The following WWOX variants were observed in gnomAD, a reference collection of about 807,000 sequenced individuals.
The protein encoded by WWOX is WW domain containing oxidoreductase, also known as WW domain-containing oxidoreductase.
WWOX carries 69 observed loss-of-function variants against 46.2 expected under a neutral mutation model. That is an observed-to-expected ratio of 1.49 (90% CI 1.23 to 1.82). The LOEUF (loss-of-function observed/expected upper bound fraction) is 1.82. Ranked by LOEUF, WWOX falls within the 40% of genes most tolerant of loss-of-function variation. The probability of loss-of-function intolerance (pLI) is 0.00; values close to 1 mark genes in which losing one functional copy is unlikely to be tolerated. For missense variants in WWOX, 919 were observed against 542.6 expected (o/e 1.69, Z -6.89); for synonymous variants, 359 against 202.6 (o/e 1.77, Z -6.56).
intron 8 of WWOX, among the ~76,000 whole-genome samples, chr16:78,935,449 C>T (rs1011207115): frequency 6.6e-6 from 1 of 152,108 alleles, no homozygotes; most frequent in African/African-American, 2.4e-5. Context: ...GTTCATGTCT[C>T]TTGTAGGGAC....
At chr16:78,676,682 C>G (rs1388026147) in intron 8 of WWOX, among the ~76,000 whole-genome samples, 5 of 152,142 alleles carry the variant, frequency 3.3e-5, no homozygotes, top group African/African-American at 1.2e-4. Flanking sequence ...AGAAACATTG[C>G]TTTTATTGCT....
intron 8 of WWOX, among the ~76,000 whole-genome samples, chr16:78,647,463 T>G (rs1400866498): frequency 6.6e-6 from 1 of 152,158 alleles, no homozygotes; most frequent in Middle Eastern, 3.2e-3. Context: ...ACCCGTTCAG[T>G]ACACAATGAA....
chr16:78,752,907 C>T (rs906473994), intron 8 of WWOX, among the ~76,000 whole-genome samples: 1 of 152,188 alleles, frequency 6.6e-6, no homozygotes, highest in Non-Finnish European at 1.5e-5. Context: ...TGGGTGCCAC[C>T]AGCAGCAACG....
chr16:78,534,924 G>A (rs1308482287), intron 8 of WWOX, among the ~76,000 whole-genome samples: 1 of 151,962 alleles, frequency 6.6e-6, no homozygotes, highest in South Asian at 2.1e-4. Context: ...ATGGTGGCCG[G>A]GATGGTCTCG....
chr16:78,183,549 C>T (rs1266059429), intron 5 of WWOX, among the ~76,000 whole-genome samples: 2 of 152,170 alleles, frequency 1.3e-5, no homozygotes, highest in Non-Finnish European at 2.9e-5. Flanking sequence ...TCTCTATCTT[C>T]CTACAAGAAA....
At chr16:78,142,565 C>T (rs140147447) in intron 4 of WWOX, among the ~76,000 whole-genome samples, 8 of 152,252 alleles carry the variant, frequency 5.3e-5, no homozygotes, top group South Asian at 2.1e-4. Context: ...AGAAAAGCAT[C>T]GTCTTGTGCA....
intron 8 of WWOX, among the ~76,000 whole-genome samples, chr16:78,732,320 C>T (rs1451234153): frequency 2.6e-5 from 4 of 152,092 alleles, no homozygotes; most frequent in African/African-American, 7.2e-5. Flanking sequence ...AATTTGGCCA[C>T]CATGCCATGA....
chr16:78,899,957 T>A (rs551992784), intron 8 of WWOX, among the ~76,000 whole-genome samples: 85 of 152,236 alleles, frequency 5.6e-4, no homozygotes, highest in African/African-American at 1.9e-3. Context: ...TTGGTACTAA[T>A]TAAGCCTTGA....
chr16:78,445,154 G>A (rs566753032), intron 8 of WWOX, among the ~76,000 whole-genome samples: 1 of 152,278 alleles, frequency 6.6e-6, no homozygotes, highest in Non-Finnish European at 1.5e-5. Context: ...GTACATCAGG[G>A]TATAAGCTGT....
intron 8 of WWOX, among the ~76,000 whole-genome samples, chr16:78,649,852 G>A (rs1221721647): frequency 6.6e-6 from 1 of 152,176 alleles, no homozygotes; most frequent in Non-Finnish European, 1.5e-5. Flanking sequence ...GGAATTAAAT[G>A]ACCTTGTCTT....
At chr16:78,722,869 TA>T (rs1427357842) in intron 8 of WWOX, among the ~76,000 whole-genome samples, 3 of 151,842 alleles carry the variant, frequency 2.0e-5, no homozygotes, top group Non-Finnish European at 2.9e-5. Flanking sequence ...AATGAAAACC[TA>T]ATGTCTACAA....
chr16:78,756,205 C>G (rs115007840), intron 8 of WWOX, among the ~76,000 whole-genome samples: 167 of 152,268 alleles, frequency 1.1e-3, no homozygotes, highest in African/African-American at 3.6e-3. Context: ...TTGACACATA[C>G]GCTTTTTCTC....
chr16:79,199,984 C>T (rs114760517), intron 8 of WWOX, among the ~76,000 whole-genome samples: 352 of 152,224 alleles, frequency 2.3e-3, no homozygotes, highest in African/African-American at 8.2e-3. Flanking sequence ...GCAGAGAGTT[C>T]CAATTGCAAC....
chr16:78,873,578 G>C (rs1181648445), intron 8 of WWOX: 1 of 151,926 alleles, frequency 6.6e-6, no homozygotes, highest in Non-Finnish European at 1.5e-5. Context: ...ATTGGGGCTA[G>C]GAGTTGGAGG....
chr16:78,511,475 A>G (rs371144138), intron 8 of WWOX, among the ~76,000 whole-genome samples: 2 of 152,244 alleles, frequency 1.3e-5, no homozygotes, highest in Admixed American at 1.3e-4. Flanking sequence ...GGTCAGTAGT[A>G]CTTCAGAGGG....
At chr16:78,791,930 G>A (rs2550597) in intron 8 of WWOX, among the ~76,000 whole-genome samples, 66,659 of 151,896 alleles carry the variant, frequency 0.44, 16,028 homozygotes, top group Non-Finnish European at 0.53. Context: ...AAAATACATA[G>A]AAGAGGCCTT....
At chr16:78,989,821 C>CATGTGTTTGT (rs370901622) in intron 8 of WWOX, among the ~76,000 whole-genome samples, 8 of 136,402 alleles carry the variant, frequency 5.9e-5, no homozygotes, top group Non-Finnish European at 7.9e-5. Context: ...GGTGTGTGAG[C>CATGTGTTTGT]GTGTGTGTGT....
chr16:78,921,595 G>T (rs1373664332), intron 8 of WWOX, among the ~76,000 whole-genome samples: 1 of 152,184 alleles, frequency 6.6e-6, no homozygotes, highest in Non-Finnish European at 1.5e-5. Flanking sequence ...TCACTGATGA[G>T]GAAACTGGAG....
chr16:78,521,539 G>A (rs80079561), intron 8 of WWOX, among the ~76,000 whole-genome samples: 27 of 152,216 alleles, frequency 1.8e-4, no homozygotes, highest in South Asian at 1.2e-3. Flanking sequence ...TTCCTCCTTC[G>A]TTAAATAGAG....
Sources: allele counts gnomAD v4.1 joint callset (sites outside exome capture counted in the v4.1 genomes callset), GRCh38; gene constraint gnomAD v4.1.1; transcripts MANE v1.5; gene names NCBI Gene and HGNC (gene_info 2026-07-23, HGNC 2026-07-21).